The following NEMP2 variants were observed in gnomAD, a reference collection of about 807,000 sequenced individuals.
NEMP2 encodes UPF0571 transmembrane protein.
A neutral mutation model predicts 54.2 loss-of-function variants in NEMP2; 53 were observed. The observed-to-expected ratio is 0.98, with a 90% CI of 0.78 to 1.23. NEMP2 has a LOEUF of 1.23. NEMP2 is among the 50% of genes most tolerant of loss of function. NEMP2 has a pLI of 0.00. For missense variants in NEMP2, 455 were observed against 511.3 expected, an observed-to-expected ratio of 0.89 and a Z score of 1.06; for synonymous variants, 197 against 190.3, an observed-to-expected ratio of 1.04 and a Z score of -0.29.
the NEMP2 span, chr2:190,488,865 G>T: frequency 1.4e-6 from 2 of 1,473,234 alleles, no homozygotes; most frequent in Non-Finnish European, 1.8e-6. This position sits in a 1 kb window ranked among gnomAD's most constrained non-coding sequence, Gnocchi z 6.4. Flanking sequence ...ATTAAAACAT[G>T]ATTTTTTCCA....
the NEMP2 span, among the ~76,000 whole-genome samples, chr2:190,602,954 G>A: frequency 2.0e-5 from 3 of 152,294 alleles, no homozygotes; most frequent in Non-Finnish European, 4.4e-5. Flanking sequence ...GCTGCTGGAG[G>A]TGGGCAGTGA....
At chr2:190,592,737 C>T in the NEMP2 span, among the ~76,000 whole-genome samples, 1 of 152,052 alleles carries the variant, frequency 6.6e-6, no homozygotes, top group Non-Finnish European at 1.5e-5. This position sits in a 1 kb window ranked among gnomAD's most constrained non-coding sequence, Gnocchi z 4.4. Flanking sequence ...CAGTATACTG[C>T]AACCAGATGA....
the NEMP2 span, among the ~76,000 whole-genome samples, chr2:190,622,563 C>T: frequency 3.9e-5 from 6 of 152,136 alleles, no homozygotes; most frequent in Admixed American, 3.9e-4. Flanking sequence ...TTATAAAACT[C>T]TTGGAAGAAA....
At chr2:190,548,933 T>G in the NEMP2 span, among the ~76,000 whole-genome samples, 2 of 152,236 alleles carry the variant, frequency 1.3e-5, no homozygotes, top group Non-Finnish European at 2.9e-5. Context: ...TTTCATGTGT[T>G]TGTTTATAGT....
the NEMP2 span, among the ~76,000 whole-genome samples, chr2:190,487,913 CTTTTTT>C: frequency 1.3e-5 from 2 of 150,674 alleles, no homozygotes; most frequent in East Asian, 1.9e-4. This position sits in a 1 kb window ranked among gnomAD's most constrained non-coding sequence, Gnocchi z 5.5. Flanking sequence ...ATTTTTTTTT[CTTTTTT>C]GAGACAGAAT....
the NEMP2 span, among the ~76,000 whole-genome samples, chr2:190,550,142 T>G: frequency 6.6e-6 from 1 of 152,194 alleles, no homozygotes. The surrounding 1 kb of genome is among the most constrained non-coding windows in gnomAD (Gnocchi z 4.7). Flanking sequence ...AGTGTCTTAA[T>G]CTGTTTGGGG....
upstream of NEMP2, chr2:190,534,909 C>A: frequency 3.0e-6 from 1 of 332,744 alleles, no homozygotes; most frequent in Non-Finnish European, 5.4e-6. Flanking sequence ...ATGCTCCCGG[C>A]CTCGGCCTCG....
At chr2:190,488,523 T>C in the NEMP2 span, 3 of 830,936 alleles carry the variant, frequency 3.6e-6, no homozygotes, top group African/African-American at 1.8e-5. The surrounding 1 kb of genome is among the most constrained non-coding windows in gnomAD (Gnocchi z 6.4). Flanking sequence ...AATGTGAAAA[T>C]GGTAAATTTT....
At chr2:190,473,285 G>C in the NEMP2 span, among the ~76,000 whole-genome samples, 5 of 152,136 alleles carry the variant, frequency 3.3e-5, no homozygotes, top group Non-Finnish European at 7.4e-5. Flanking sequence ...AAAAGACACA[G>C]ACTGGCAAAT....
Position 190,528,182 on chromosome 2 carries a change from A to C in NEMP2, c.98-2804T>G, listed in dbSNP as rs1424578317. Among the ~76,000 whole-genome samples the C allele has an allele frequency of 6.6e-6, 1 of 152,228 alleles. No homozygotes were observed. The highest frequency in any genetic ancestry group is 2.1e-4 in the South Asian group (1 of 4,832). Reference sequence around the variant, plus strand: ...TCTGGCCAAGGGCAGCATAGGGGGAAGTGCAGTCCCAGGGATATCAAAGGG... The same window carrying C: ...TCTGGCCAAGGGCAGCATAGGGGGACGTGCAGTCCCAGGGATATCAAAGGG... On this transcript the variant is annotated intron_variant, in intron 1 of 8. Coordinates refer to ENST00000409150, the MANE Select transcript of NEMP2 (RefSeq NM_001142645.2). The surrounding 1 kb of genome is among the most constrained non-coding windows in gnomAD (Gnocchi z 4.3).
chr2:190,452,562 T>G, the NEMP2 span, among the ~76,000 whole-genome samples: 28 of 152,200 alleles, frequency 1.8e-4, no homozygotes, highest in Admixed American at 1.8e-3. Flanking sequence ...AAAGTCATGT[T>G]CTCAGCTGCT....
chr2:190,603,463 C>CCTCCCTCATCCTCATCTT, the NEMP2 span, among the ~76,000 whole-genome samples: 1 of 150,766 alleles, frequency 6.6e-6, no homozygotes, highest in Non-Finnish European at 1.5e-5. Context: ...TGTTCATCTG[C>CCTCCCTCATCCTCATCTT]CTCCCTCATC....
At chr2:190,430,949 G>A in the NEMP2 span, among the ~76,000 whole-genome samples, 12 of 148,284 alleles carry the variant, frequency 8.1e-5, no homozygotes, top group Admixed American at 1.4e-4. Context: ...CTTCTCAGAC[G>A]GGGCGGCTGC....
the NEMP2 span, among the ~76,000 whole-genome samples, chr2:190,453,693 C>G: frequency 1.6e-4 from 24 of 152,308 alleles, no homozygotes; most frequent in African/African-American, 5.5e-4. Flanking sequence ...TCACTGAAAA[C>G]TCAAGGGCTT....
At chr2:190,585,606 C>T in the NEMP2 span, among the ~76,000 whole-genome samples, 13 of 152,204 alleles carry the variant, frequency 8.5e-5, no homozygotes, top group African/African-American at 2.4e-4. This position sits in a 1 kb window ranked among gnomAD's most constrained non-coding sequence, Gnocchi z 5.3. Flanking sequence ...ACAACTGGTA[C>T]AGCCATATAC....
the NEMP2 span, among the ~76,000 whole-genome samples, chr2:190,566,735 AAAG>A: frequency 7.2e-6 from 1 of 139,726 alleles, no homozygotes; most frequent in Non-Finnish European, 1.7e-5. Flanking sequence ...AGAAGGAAAG[AAAG>A]AAAAGAAAAA....
chr2:190,477,676 A>G, the NEMP2 span, among the ~76,000 whole-genome samples: 1 of 152,232 alleles, frequency 6.6e-6, no homozygotes, highest in Non-Finnish European at 1.5e-5. Flanking sequence ...ATATACATAT[A>G]TTAACTCAGG....
chr2:190,598,068 G>C, the NEMP2 span, among the ~76,000 whole-genome samples: 3 of 152,098 alleles, frequency 2.0e-5, no homozygotes, highest in Non-Finnish European at 4.4e-5. Context: ...GTGTATTGTA[G>C]GATGTTCAGC....
At position 190,514,814 on chromosome 2, in the gene NEMP2, G is replaced by A; in HGVS notation, c.728-136C>T. 2.6e-6 allele frequency: 2 copies of A among 765,608 alleles called. No individual in the cohort carries two copies. Among genetic ancestry groups the A allele is most frequent in the Non-Finnish European group, 2.1e-6 (1 of 473,598 alleles). The allele number at this position is 765,608 out of a possible 1,614,324, so 47.4% of individuals were successfully genotyped here. A position where few individuals can be genotyped will look rare whatever the true frequency, so the allele number is the denominator to read the frequency against. ...TGTGTTTTTTACCCCATAAAGTAAG[G>A]TTGAAAAATGCACATAGGGTGTTAT... On this transcript the variant is annotated intron_variant, in intron 6 of 8. Transcript: ENST00000409150. This position sits in a 1 kb window ranked among gnomAD's most constrained non-coding sequence, Gnocchi z 5.7.
Sources: gnomAD v4.1 joint callset for allele counts (sites outside exome capture counted in the v4.1 genomes callset) on GRCh38, gnomAD v4.1.1 for gene constraint, Gnocchi (gnomAD v3.1) non-coding constraint, MANE v1.5 for transcripts, NCBI Gene and HGNC (gene_info 2026-07-23, HGNC 2026-07-21) for gene names.